The following BTBD3 variants were observed in gnomAD, a reference collection of about 807,000 sequenced individuals.
The protein encoded by BTBD3 is BTB/POZ domain-containing protein 3.
A neutral mutation model predicts 41.6 loss-of-function variants in BTBD3; 14 were observed. The observed-to-expected ratio is 0.34, with a 90% CI of 0.22 to 0.53. The LOEUF (loss-of-function observed/expected upper bound fraction) is 0.53, where lower values mean the gene tolerates loss of function less well. BTBD3 is among the 20% of genes least tolerant of loss of function. BTBD3 has a pLI of 0.95. For missense variants in BTBD3, 426 were observed against 654.7 expected (o/e 0.65, Z 3.81); for synonymous variants, 249 against 233.7 (o/e 1.07, Z -0.60).
intron 1 of BTBD3, among the ~76,000 whole-genome samples, chr20:11,910,882 C>G (rs995930283): frequency 1.3e-5 from 2 of 152,164 alleles, no homozygotes; most frequent in Non-Finnish European, 2.9e-5. Flanking sequence ...TCTACCATAT[C>G]AATGGTTGTC....
chr20:11,921,003 A>G (rs1246070575), intron 3 of BTBD3, among the ~76,000 whole-genome samples: 1 of 152,216 alleles, frequency 6.6e-6, no homozygotes, highest in Non-Finnish European at 1.5e-5. Context: ...GAAGTACCAA[A>G]ATGTAAACTA....
chr20:11,908,712 G>C (rs546164566), intron 1 of BTBD3, among the ~76,000 whole-genome samples: 27 of 151,918 alleles, frequency 1.8e-4, no homozygotes, highest in Non-Finnish European at 3.4e-4. Flanking sequence ...TAATACATGT[G>C]ATAAAGCTAG....
At chr20:11,896,068 T>C (rs1209075999) in intron 1 of BTBD3, among the ~76,000 whole-genome samples, 2 of 152,212 alleles carry the variant, frequency 1.3e-5, no homozygotes, top group Non-Finnish European at 2.9e-5. Context: ...TCTGGAAGGC[T>C]CGGAAGATGA....
At chr20:11,907,679 C>T (rs969024747) in intron 1 of BTBD3, among the ~76,000 whole-genome samples, 1 of 152,072 alleles carries the variant, frequency 6.6e-6, no homozygotes, top group Non-Finnish European at 1.5e-5. Flanking sequence ...CTTTGGACTG[C>T]GTCTTGAAGG....
chr20:11,921,323 G>T (rs1243188750), intron 3 of BTBD3, among the ~76,000 whole-genome samples: 1 of 152,222 alleles, frequency 6.6e-6, no homozygotes, highest in East Asian at 1.9e-4. Context: ...AGCAGATATT[G>T]ATAAAGCTTT....
At position 11,918,245 on chromosome 20, in the gene BTBD3, A is replaced by G. The variant is rs1460178009; in HGVS notation, c.-31A>G. The G allele has an allele frequency of 2.0e-6, 3 of 1,521,158 alleles. No individual in the cohort carries two copies. The highest frequency in any genetic ancestry group is 2.6e-6 in the Non-Finnish European group (3 of 1,143,430). 94.2% of individuals were successfully genotyped at this position (1,521,158 alleles called of 1,614,324 possible). A position where few individuals can be genotyped will look rare whatever the true frequency, so the allele number is the denominator to read the frequency against. ...CTTGATGTTCAAACCAATTTGGGAT[A>G]TCTAACTCTAAAGAGAGACACACTG... On this transcript the variant is annotated 5_prime_UTR_variant, in exon 1 of 4. In the 5' UTR this introduces an upstream ATG that the reference lacks. Transcript: ENST00000378226.
At chr20:11,910,173 C>G (rs1455469647) in intron 1 of BTBD3, 13 of 151,556 alleles carry the variant, frequency 8.6e-5, no homozygotes, top group Non-Finnish European at 1.6e-4. Flanking sequence ...AGCTTTTGGA[C>G]TTTGATGATC....
rs1268095745 is a variant in BTBD3 at position 11,919,073 on chromosome 20, C to T, written c.327-13C>T. ...CAGGCTGCTGTGAATTAATGAGTTG[C>T]CTCTGTTTATAGAAATGCGATGATG... On this transcript the variant is annotated splice_polypyrimidine_tract_variant and intron_variant, in intron 1 of 3. Transcript: ENST00000378226. The T allele has an allele frequency of 6.2e-7, 1 of 1,602,106 alleles. No individual in the cohort carries two copies. The highest frequency in any genetic ancestry group is 8.5e-7 in the Non-Finnish European group (1 of 1,171,060).
chr20:11,893,220 G>T (rs2056766962), intron 1 of BTBD3, among the ~76,000 whole-genome samples: 1 of 152,088 alleles, frequency 6.6e-6, no homozygotes. Context: ...TTTAAACTTT[G>T]TAAGTTATCA....
At position 11,926,358 on chromosome 20, in the gene BTBD3, TTTTTG is replaced by T. The variant is rs2057019336; in HGVS notation, c.*2696_*2700del. 5 of 152,758 alleles carry T rather than the reference TTTTTG, an allele frequency of 3.3e-5. No individual in the cohort carries two copies. Among genetic ancestry groups the T allele is most frequent in the Admixed American group, 2.6e-4 (4 of 15,302 alleles). 9.5% of individuals were successfully genotyped at this position (152,758 alleles called of 1,614,324 possible). On this transcript the variant is annotated 3_prime_UTR_variant, in exon 4 of 4. Coordinates refer to ENST00000378226, the MANE Select transcript of BTBD3 (RefSeq NM_014962.4). ...TTCTACATAATTATTGCACTGAACT[TTTTTG>T]TTTATTAAGGTGTTTAAATAAGCTC...
chr20:11,900,322 G>A (rs1433626021), intron 1 of BTBD3, among the ~76,000 whole-genome samples: 1 of 152,172 alleles, frequency 6.6e-6, no homozygotes, highest in East Asian at 1.9e-4. Context: ...GGAAAAAATT[G>A]ACCTATGTAT....
At chr20:11,903,342 T>C (rs1449616056) in intron 1 of BTBD3, among the ~76,000 whole-genome samples, 1 of 152,216 alleles carries the variant, frequency 6.6e-6, no homozygotes, top group Non-Finnish European at 1.5e-5. Context: ...CAAAGATTGC[T>C]ACCCCCAATT....
chr20:11,912,076 G>C (rs2056892831), intron 1 of BTBD3, among the ~76,000 whole-genome samples: 1 of 152,094 alleles, frequency 6.6e-6, no homozygotes, highest in Non-Finnish European at 1.5e-5. Flanking sequence ...CTGGAGCTCT[G>C]TGTGGTGAAA....
chr20:11,902,721 T>A (rs1266961150), intron 1 of BTBD3, among the ~76,000 whole-genome samples: 2 of 152,234 alleles, frequency 1.3e-5, no homozygotes, highest in Non-Finnish European at 2.9e-5. Flanking sequence ...CTTTATGATT[T>A]AATACTGCAT....
In BTBD3 at chr20:11,924,758, A is replaced by G. The variant is rs1040608753; in HGVS notation, c.*1092A>G. The G allele has an allele frequency of 9.8e-5, 15 of 152,544 alleles. No individual in the cohort carries two copies. Among genetic ancestry groups the G allele is most frequent in the African/African-American group, 7.2e-5 (3 of 41,410 alleles). The allele number at this position is 152,544 out of a possible 1,614,324, so 9.4% of individuals were successfully genotyped here. On this transcript the variant is annotated 3_prime_UTR_variant, in exon 4 of 4. Transcript: ENST00000378226. The stretch of plus-strand genomic sequence containing the variant: ...ACCTGATCCACTTTGATTGTATACT[A>G]TATTCTTTGTTAATTTTAATTTTGT...
intron 1 of BTBD3, among the ~76,000 whole-genome samples, chr20:11,906,304 G>T (rs990800717): frequency 2.2e-5 from 2 of 91,102 alleles, no homozygotes; most frequent in African/African-American, 8.2e-5. Flanking sequence ...TCGTTCTGTA[G>T]CCCAGGGTGG....
Position 11,918,272 on chromosome 20 carries a change from A to G in BTBD3, c.-4A>G, listed in dbSNP as rs2056933635. The G allele has an allele frequency of 6.4e-7, 1 of 1,571,858 alleles. No individual in the cohort carries two copies. Among genetic ancestry groups the G allele is most frequent in the African/African-American group, 1.4e-5 (1 of 73,214 alleles). ...CTAACTCTAAAGAGAGACACACTGT[A>G]CTCATGGTAGATGACAAGGAAAAGA... On this transcript the variant is annotated 5_prime_UTR_variant, in exon 1 of 4. Coordinates refer to ENST00000378226, the MANE Select transcript of BTBD3 (RefSeq NM_014962.4).
chr20:11,914,620 A>T (rs144632696), upstream of BTBD3, among the ~76,000 whole-genome samples: 705 of 151,956 alleles, frequency 4.6e-3, 7 homozygotes, highest in African/African-American at 0.016. Context: ...AACTTAAAGT[A>T]TAATAATAAT....
upstream of BTBD3, among the ~76,000 whole-genome samples, chr20:11,912,973 C>T (rs1036884894): frequency 6.6e-6 from 1 of 152,112 alleles, no homozygotes; most frequent in African/African-American, 2.4e-5. Context: ...ATCTTTTTAC[C>T]TCCCAAATCA....
Sources: gnomAD v4.1 joint callset for allele counts (sites outside exome capture counted in the v4.1 genomes callset) on GRCh38, gnomAD v4.1.1 for gene constraint, MANE v1.5 for transcripts, NCBI Gene and HGNC (gene_info 2026-07-23, HGNC 2026-07-21) for gene names.